Variants in KIF15 observed in about 807,000 individuals in gnomAD.
KIF15 encodes the protein kinesin-like protein KIF15.
Under a neutral mutation model 190.6 loss-of-function variants are expected in KIF15, and 140 were observed. The ratio of observed to expected loss-of-function variants is 0.73; its 90% CI spans 0.64 to 0.84. The LOEUF (loss-of-function observed/expected upper bound fraction) is 0.84. Ranked by LOEUF, KIF15 falls within the 40% of genes least tolerant of loss-of-function variation. The probability of loss-of-function intolerance (pLI) is 0.00; values close to 1 mark genes in which losing one functional copy is unlikely to be tolerated. For missense variants in KIF15, 1,372 were observed against 1,584.4 expected (o/e 0.87, Z 2.28); for synonymous variants, 528 against 551.3 (o/e 0.96, Z 0.59).
chr3:44,766,807 CTTTTTTT>C (rs766382105), intron 1 of KIF15, among the ~76,000 whole-genome samples: 3 of 118,544 alleles, frequency 2.5e-5, no homozygotes, highest in Non-Finnish European at 3.6e-5. Context: ...TTCTTTCTTT[CTTTTTTT>C]TTTTTTTTTT....
rs781252889 is a variant in KIF15, at chr3:44,805,064, A to G, written c.1725A>G (p.Pro575=). 1.2e-6 allele frequency: 2 copies of G among 1,613,916 alleles called. No individual in the cohort carries two copies. The highest frequency in any genetic ancestry group is 2.7e-5 in the African/African-American group (2 of 74,924). The part of the protein sequence containing the change: ...QGFSPKAQKE[P]CLFANTEKLK... ...TTTCACCTAAAGCTCAGAAAGAGCC[A>G]TGTTTGTTTGCAAACACTGAGAAGT... is the stretch of plus-strand genomic sequence containing the variant. Residue 575 remains proline, a synonymous_variant, in exon 15 of 35, where the codon CCA becomes CCG. Transcript: ENST00000326047.
Position 44,794,402 on chromosome 3 carries a change from C to G in KIF15, c.825C>G (p.Thr275=), listed in dbSNP as rs1706869353. The change falls in exon 8 of 35, where the codon ACC becomes ACG. Residue 275 remains threonine (T), a synonymous_variant. Transcript: ENST00000326047. Reference sequence around the variant, plus strand: ...CAGGATCTGAAAGGCAAAAAGATACCCATGCAGAAGGGATGAGATTGAAGG... The same window carrying G: ...CAGGATCTGAAAGGCAAAAAGATACGCATGCAGAAGGGATGAGATTGAAGG... ...DLAGSERQKD[T]HAEGMRLKEA... The G allele has an allele frequency of 1.2e-6, 2 of 1,608,190 alleles. No homozygotes were observed. The highest frequency in any genetic ancestry group is 3.4e-5 in the Admixed American group (2 of 59,470).
At chr3:44,827,210 A>G (rs1280175944) in intron 22 of KIF15, 12 of 436,560 alleles carry the variant, frequency 2.7e-5, no homozygotes, top group South Asian at 2.3e-4. Context: ...AACAAATACT[A>G]TATGATATAT....
intron 7 of KIF15, among the ~76,000 whole-genome samples, chr3:44,790,733 G>A (rs1299537965): frequency 1.6e-4 from 19 of 122,544 alleles, no homozygotes; most frequent in African/African-American, 2.9e-4. Flanking sequence ...TCGCTCTGTC[G>A]CCAGGCTAGA....
At chr3:44,784,304 C>T (rs375407203) in intron 5 of KIF15, among the ~76,000 whole-genome samples, 11 of 152,212 alleles carry the variant, frequency 7.2e-5, no homozygotes, top group Admixed American at 6.5e-4. Flanking sequence ...CTCCGAGTAG[C>T]TGGGACTACA....
In KIF15 at chr3:44,861,950, G is replaced by T. The variant is rs925786938; in HGVS notation, c.*59+9156G>T. ...ATGGCCGAGAGGCCGGGGCCTCCGG[G>T]CGGCGCCGTGTCCGCGACCGCGTAC... is the stretch of plus-strand genomic sequence containing the variant. On this transcript the variant is annotated intron_variant and NMD_transcript_variant, in intron 6 of 6. Transcript: ENST00000422209. 10 of 1,407,726 alleles carry T rather than the reference G, an allele frequency of 7.1e-6. No individual in the cohort carries two copies. The Admixed American group carries it at 2.3e-4, about 32-fold the overall frequency. The allele number at this position is 1,407,726 out of a possible 1,614,324, so 87.2% of individuals were successfully genotyped here.
intron 27 of KIF15, among the ~76,000 whole-genome samples, chr3:44,840,031 G>C (rs763183270): frequency 3.3e-5 from 5 of 152,112 alleles, no homozygotes; most frequent in Non-Finnish European, 5.9e-5. Context: ...TAATTCCTTT[G>C]GATATATATC....
rs1707436609 is a variant in KIF15, at chr3:44,805,119, G to A, written c.1780G>A (p.Glu594Lys). ...LKAQLLQIQT[E>K]LNNSKQEYEE... is the part of the protein sequence containing the mutation. ...AGCACAACTCCTGCAAATTCAGACAGAGCTGAATAATTCAAAGCAAGAATA... is the reference window on the plus strand; with the variant it reads ...AGCACAACTCCTGCAAATTCAGACAAAGCTGAATAATTCAAAGCAAGAATA... The change falls in exon 15 of 35, where the codon GAG becomes AAG. Residue 594 changes from glutamate to lysine, a missense_variant. Transcript: ENST00000326047. 1 of 1,613,374 alleles carries A rather than the reference G, an allele frequency of 6.2e-7. No homozygotes were observed. The highest frequency in any genetic ancestry group is 1.3e-5 in the African/African-American group (1 of 74,902).
At chr3:44,847,304 G>A (rs1698891244) in intron 30 of KIF15, among the ~76,000 whole-genome samples, 2 of 152,122 alleles carry the variant, frequency 1.3e-5, no homozygotes, top group African/African-American at 4.8e-5. Context: ...AGGGAGGGAG[G>A]GATGTCTCTC....
intron 10 of KIF15, among the ~76,000 whole-genome samples, chr3:44,799,775 A>T (rs1707176149): frequency 6.6e-6 from 1 of 151,618 alleles, no homozygotes; most frequent in Non-Finnish European, 1.5e-5. Flanking sequence ...AAAAAAAAAA[A>T]AAAAGGAAGT....
chr3:44,798,000 C>T (rs1707076321), intron 10 of KIF15, 44 bp downstream of exon 10: 1 of 1,530,434 alleles, frequency 6.5e-7, no homozygotes, highest in South Asian at 1.2e-5. Context: ...GAGAAAAATA[C>T]TAAAGCTTAC....
At chr3:44,809,521 T>C (rs1386751194) in intron 16 of KIF15, among the ~76,000 whole-genome samples, 2 of 152,124 alleles carry the variant, frequency 1.3e-5, no homozygotes, top group Non-Finnish European at 2.9e-5. Context: ...GTTTTTCTTT[T>C]GAATGGTATG....
At position 44,812,250 on chromosome 3, in the gene KIF15, T is replaced by A. The variant is rs1419361039; in HGVS notation, c.2238T>A (p.His746Gln). Residue 746 changes from histidine (H) to glutamine (Q), a missense_variant, in exon 18 of 35, where the codon CAT becomes CAA. Physicochemically the swap from His to Gln is conservative, Grantham distance 24. Transcript: ENST00000326047. ...ATAAAAACCTAAAGCTTCAGCAGCA[T>A]GTTGACAAACTGGAACATCATTCTA... is the stretch of plus-strand genomic sequence containing the variant. ...EEHKNLKLQQ[H>Q]VDKLEHHSTQ... 6.2e-7 allele frequency: 1 copy of A among 1,614,132 alleles called. No homozygotes were observed. The highest frequency in any genetic ancestry group is 8.5e-7 in the Non-Finnish European group (1 of 1,180,004).
chr3:44,797,703 CT>C, intron 9 of KIF15, 27 bp downstream of exon 9: 1 of 1,611,338 alleles, frequency 6.2e-7, no homozygotes, highest in East Asian at 2.2e-5. Flanking sequence ...GGTTCCTGGG[CT>C]CCTTTTGGTT....
intron 11 of KIF15, among the ~76,000 whole-genome samples, chr3:44,800,649 A>G (rs190464368): frequency 5.4e-4 from 83 of 152,360 alleles, no homozygotes; most frequent in Non-Finnish European, 8.4e-4. Flanking sequence ...AATAATTTTG[A>G]ATAATGTATA....
chr3:44,859,197 C>T (rs932963967), intron 6 of KIF15, among the ~76,000 whole-genome samples: 17 of 152,212 alleles, frequency 1.1e-4, no homozygotes, highest in African/African-American at 3.9e-4. Flanking sequence ...GCGGTTCAGA[C>T]GTTTTGAAGT....
At chr3:44,769,076 C>G (rs565166843) in intron 1 of KIF15, among the ~76,000 whole-genome samples, 1 of 152,266 alleles carries the variant, frequency 6.6e-6, no homozygotes, top group Non-Finnish European at 1.5e-5. Flanking sequence ...AAGCCCAGTC[C>G]TAAGCTATTC....
intron 20 of KIF15, among the ~76,000 whole-genome samples, chr3:44,821,105 C>G (rs1431116736): frequency 1.4e-5 from 2 of 145,086 alleles, no homozygotes; most frequent in East Asian, 4.1e-4. Context: ...CCCTCCCGGA[C>G]CGGGCGGCTG....
intron 7 of KIF15, among the ~76,000 whole-genome samples, chr3:44,788,002 G>A (rs979358148): frequency 1.4e-4 from 21 of 152,082 alleles, no homozygotes; most frequent in South Asian, 4.1e-4. Context: ...CTACAGGCGC[G>A]CACTGCCATG....
Sources: gnomAD v4.1 joint callset for allele counts (sites outside exome capture counted in the v4.1 genomes callset) on GRCh38, gnomAD v4.1.1 for gene constraint, MANE v1.5 for transcripts, NCBI Gene and HGNC (gene_info 2026-07-23, HGNC 2026-07-21) for gene names.